The following PPP4R3B variants were observed in gnomAD, a reference collection of about 807,000 sequenced individuals.
PPP4R3B encodes serine/threonine-protein phosphatase 4 regulatory subunit 3B.
A neutral mutation model predicts 95.4 loss-of-function variants in PPP4R3B; 52 were observed. That is an observed-to-expected ratio of 0.54 (90% CI 0.44 to 0.69). The LOEUF is 0.69. Ranked by LOEUF, PPP4R3B falls within the 30% of genes least tolerant of loss-of-function variation. The pLI is 0.00. For missense variants in PPP4R3B, 1,003 were observed against 1,005.9 expected, an observed-to-expected ratio of 1.00 and a Z score of 0.04; for synonymous variants, 407 against 343.9, an observed-to-expected ratio of 1.18 and a Z score of -2.03.
chr2:55,581,918 A>C (rs1975487), intron 7 of PPP4R3B, among the ~76,000 whole-genome samples: 1 of 150,722 alleles, frequency 6.6e-6, no homozygotes, highest in Non-Finnish European at 1.5e-5. Context: ...AAAAAAGAAG[A>C]AGGAGGAAAA....
intron 4 of PPP4R3B, among the ~76,000 whole-genome samples, chr2:55,594,302 TAA>T (rs35730010): frequency 0.017 from 2,040 of 123,504 alleles, 32 homozygotes; most frequent in Middle Eastern, 0.048. Context: ...GAATCTAAAA[TAA>T]AAAAAAAAAA....
At chr2:55,573,886 C>CATTT in intron 11 of PPP4R3B, 109 bp from the exon 12 acceptor site, 1 of 277,166 alleles carries the variant, frequency 3.6e-6, no homozygotes, top group Non-Finnish European at 5.8e-6. Context: ...GTATTTCCTC[C>CATTT]TTTTTTTTTT....
intron 2 of PPP4R3B, among the ~76,000 whole-genome samples, chr2:55,608,298 C>G (rs1264326921): frequency 2.0e-5 from 3 of 152,214 alleles, no homozygotes; most frequent in Non-Finnish European, 4.4e-5. Flanking sequence ...AGCCACTGCA[C>G]CCAGCCCCTC....
intron 4 of PPP4R3B, among the ~76,000 whole-genome samples, chr2:55,589,827 A>G (rs1690709830): frequency 6.7e-6 from 1 of 149,414 alleles, no homozygotes; most frequent in African/African-American, 2.5e-5. Context: ...GAGGCAGGAG[A>G]ATGGCGTGAA....
intron 2 of PPP4R3B, among the ~76,000 whole-genome samples, chr2:55,604,858 T>C (rs1234099235): frequency 6.6e-6 from 1 of 151,984 alleles, no homozygotes; most frequent in Non-Finnish European, 1.5e-5. Flanking sequence ...GTTTCCTCCT[T>C]GAGACAGGGT....
chr2:55,611,686 T>C (rs1431873171), intron 2 of PPP4R3B, among the ~76,000 whole-genome samples: 2 of 152,178 alleles, frequency 1.3e-5, no homozygotes, highest in Non-Finnish European at 2.9e-5. Flanking sequence ...ATTTTAAAAC[T>C]ATAATGTTAA....
At chr2:55,603,408 AAT>A (rs1572710569) in intron 3 of PPP4R3B, among the ~76,000 whole-genome samples, 1 of 152,214 alleles carries the variant, frequency 6.6e-6, no homozygotes, top group African/African-American at 2.4e-5. Context: ...TATGTAAATC[AAT>A]ATCCTAGTTC....
chr2:55,595,968 G>A (rs1483779403), intron 4 of PPP4R3B, among the ~76,000 whole-genome samples: 1 of 152,092 alleles, frequency 6.6e-6, no homozygotes, highest in African/African-American at 2.4e-5. Flanking sequence ...AGTAAGACAA[G>A]TACTTAAAAA....
intron 2 of PPP4R3B, chr2:55,614,651 T>C (rs753544442): frequency 1.3e-5 from 2 of 152,182 alleles, no homozygotes; most frequent in African/African-American, 4.8e-5. Context: ...GGATGGAGAA[T>C]GTAAACAACG....
chr2:55,609,982 T>C (rs1238526941), intron 2 of PPP4R3B, among the ~76,000 whole-genome samples: 3 of 152,100 alleles, frequency 2.0e-5, no homozygotes, highest in Non-Finnish European at 2.9e-5. Flanking sequence ...GCTAATATAT[T>C]ACACACTAAA....
chr2:55,614,783 T>C (rs1289550938), intron 2 of PPP4R3B: 2 of 152,226 alleles, frequency 1.3e-5, no homozygotes, highest in Non-Finnish European at 2.9e-5. Flanking sequence ...ACACCGATTA[T>C]TCTCTGTACT....
intron 2 of PPP4R3B, among the ~76,000 whole-genome samples, chr2:55,606,524 TA>T (rs557008996): frequency 6.7e-6 from 1 of 149,200 alleles, no homozygotes; most frequent in Non-Finnish European, 1.5e-5. Context: ...TATATTTAAT[TA>T]AAAAAAAAAT....
intron 4 of PPP4R3B, chr2:55,591,653 A>G: frequency 1.0e-6 from 1 of 984,922 alleles, no homozygotes; most frequent in Non-Finnish European, 1.2e-6. Context: ...TCCCACTTGA[A>G]TTCTTCTTAT....
intron 4 of PPP4R3B, 101 bp downstream of exon 4, chr2:55,598,315 A>G (rs1692077991): frequency 3.2e-6 from 4 of 1,237,974 alleles, no homozygotes; most frequent in Non-Finnish European, 4.4e-6. Flanking sequence ...ATTTAAACAA[A>G]ATAAATCTTT....
At chr2:55,581,822 CTTAT>C (rs1013929303) in intron 7 of PPP4R3B, 124 bp from the exon 8 acceptor site, 11 of 967,594 alleles carry the variant, frequency 1.1e-5, no homozygotes, top group African/African-American at 3.4e-5. Flanking sequence ...AATGGAATAG[CTTAT>C]TTAAACCTCT....
chr2:55,555,245 A>G (rs1558935998), intron 16 of PPP4R3B, among the ~76,000 whole-genome samples: 1 of 145,244 alleles, frequency 6.9e-6, no homozygotes, highest in African/African-American at 2.6e-5. Flanking sequence ...GCGCCACCGC[A>G]CTCCAGCCTG....
chr2:55,550,198 C>T (rs377174063), intron 16 of PPP4R3B, among the ~76,000 whole-genome samples, 192 bp from the exon 17 acceptor site: 1 of 152,026 alleles, frequency 6.6e-6, no homozygotes, highest in Non-Finnish European at 1.5e-5. Context: ...CTTGCAGTAA[C>T]CCTTAACTTT....
intron 1 of PPP4R3B, 37 bp from the exon 2 acceptor site, chr2:55,615,543 T>C: frequency 1.4e-6 from 2 of 1,416,384 alleles, no homozygotes; most frequent in Non-Finnish European, 2.0e-6. Flanking sequence ...AAGTCTCAAA[T>C]GATAAAACCC....
intron 16 of PPP4R3B, among the ~76,000 whole-genome samples, chr2:55,556,628 G>T: frequency 7.2e-6 from 1 of 138,486 alleles, no homozygotes. Flanking sequence ...GTATTACTTT[G>T]ATTTAAAAAA....
Sources: gnomAD v4.1 joint callset for allele counts (sites outside exome capture counted in the v4.1 genomes callset) on GRCh38, gnomAD v4.1.1 for gene constraint, MANE v1.5 for transcripts, NCBI Gene and HGNC (gene_info 2026-07-23, HGNC 2026-07-21) for gene names.